The following GABRB1 variants were observed in gnomAD, a reference collection of about 807,000 sequenced individuals.
GABRB1 encodes gamma-aminobutyric acid type A receptor subunit beta1.
In GABRB1, 17 loss-of-function variants were observed where a neutral mutation model predicts 51.6. That is an observed-to-expected ratio of 0.33 (90% CI 0.23 to 0.49). The LOEUF (loss-of-function observed/expected upper bound fraction) is 0.49. Among genes scored for constraint, GABRB1 ranks in the 20% least tolerant of loss-of-function variants. The pLI, the probability that GABRB1 is intolerant of heterozygous loss-of-function variation, is 0.99. For missense variants in GABRB1, 410 were observed against 600.6 expected (o/e 0.68, Z 3.32); for synonymous variants, 247 against 218.9 (o/e 1.13, Z -1.14).
In GABRB1 at chr4:47,328,823, C is replaced by T. The variant is rs59670193; in HGVS notation, c.544+8614C>T. Among the ~76,000 whole-genome samples, 681 of 151,564 alleles carry T rather than the reference C, an allele frequency of 4.5e-3. 8 individuals are homozygous for T. Among genetic ancestry groups the T allele is most frequent in the African/African-American group, 0.016 (646 of 41,320 alleles). On this transcript the variant is annotated intron_variant, in intron 5 of 8. Coordinates refer to ENST00000295454, the MANE Select transcript of GABRB1 (RefSeq NM_000812.4). The stretch of plus-strand genomic sequence containing the variant: ...TGGAGATATACCTAATGTTAAATGA[C>T]GAGTTACCAGGTGCAGCACACCAAC...
intron 5 of GABRB1, among the ~76,000 whole-genome samples, chr4:47,369,174 A>G (rs1365065240): frequency 6.6e-6 from 1 of 152,178 alleles, no homozygotes; most frequent in Non-Finnish European, 1.5e-5. Context: ...CTCTTAAGAA[A>G]TATTAAATTT....
intron 4 of GABRB1, among the ~76,000 whole-genome samples, chr4:47,239,557 G>A (rs1340825947): frequency 6.6e-6 from 1 of 152,132 alleles, no homozygotes; most frequent in African/African-American, 2.4e-5. Flanking sequence ...TCATTTAACT[G>A]GCTTGGTCTA....
At chr4:47,274,688 G>C (rs935059618) in intron 4 of GABRB1, among the ~76,000 whole-genome samples, 1 of 152,102 alleles carries the variant, frequency 6.6e-6, no homozygotes, top group Non-Finnish European at 1.5e-5. Flanking sequence ...CAGGCATACA[G>C]GCAAGTGTCA....
At chr4:47,166,296 T>A (rs1288671666) in intron 4 of GABRB1, among the ~76,000 whole-genome samples, 1 of 151,972 alleles carries the variant, frequency 6.6e-6, no homozygotes, top group Non-Finnish European at 1.5e-5. Flanking sequence ...TGAATGTGCC[T>A]GCCTCTCCCG....
intron 3 of GABRB1, among the ~76,000 whole-genome samples, chr4:47,036,155 C>T (rs576986361): frequency 6.6e-6 from 1 of 152,010 alleles, no homozygotes; most frequent in Non-Finnish European, 1.5e-5. Context: ...CAGTGAACAA[C>T]GATGACAAAA....
intron 3 of GABRB1, among the ~76,000 whole-genome samples, chr4:47,038,816 C>A (rs1221025190): frequency 6.6e-6 from 1 of 152,068 alleles, no homozygotes; most frequent in Non-Finnish European, 1.5e-5. Context: ...TTCCAGTTGG[C>A]TTAGGTTTCA....
chr4:47,182,371 C>A (rs575392109), intron 4 of GABRB1, among the ~76,000 whole-genome samples: 78 of 151,916 alleles, frequency 5.1e-4, no homozygotes, highest in African/African-American at 1.9e-3. Flanking sequence ...AGATTTTCAA[C>A]CAAAGAGTAA....
intron 5 of GABRB1, among the ~76,000 whole-genome samples, chr4:47,357,614 C>A (rs1166586455): frequency 6.6e-6 from 1 of 152,186 alleles, no homozygotes; most frequent in Non-Finnish European, 1.5e-5. Flanking sequence ...AGAGAATGTG[C>A]TGGTACAAGA....
chr4:47,262,206 A>G (rs1230166064), intron 4 of GABRB1, among the ~76,000 whole-genome samples: 2 of 151,952 alleles, frequency 1.3e-5, no homozygotes, highest in Non-Finnish European at 2.9e-5. Flanking sequence ...ATCTCATTAA[A>G]CTAAAGAGCT....
At chr4:47,242,202 C>A (rs1201626673) in intron 4 of GABRB1, among the ~76,000 whole-genome samples, 2 of 152,166 alleles carry the variant, frequency 1.3e-5, no homozygotes, top group East Asian at 1.9e-4. Context: ...CATGTCCCTA[C>A]AAAGGACATG....
At chr4:47,068,007 G>C (rs1195198115) in intron 3 of GABRB1, among the ~76,000 whole-genome samples, 1 of 152,166 alleles carries the variant, frequency 6.6e-6, no homozygotes, top group Non-Finnish European at 1.5e-5. Context: ...GCATTAGTTT[G>C]CTGAGGATAA....
chr4:47,166,631 G>A (rs1718199267), intron 4 of GABRB1, among the ~76,000 whole-genome samples: 1 of 152,028 alleles, frequency 6.6e-6, no homozygotes, highest in Non-Finnish European at 1.5e-5. Context: ...TAGTTACATT[G>A]TGAGAGAGTC....
intron 4 of GABRB1, among the ~76,000 whole-genome samples, chr4:47,288,658 T>TG (rs2058216879): frequency 6.6e-6 from 1 of 152,224 alleles, no homozygotes. Context: ...AGGCACCTTG[T>TG]GGTAAGTCAT....
intron 5 of GABRB1, among the ~76,000 whole-genome samples, chr4:47,372,876 C>A (rs1727248384): frequency 1.3e-5 from 2 of 152,162 alleles, no homozygotes; most frequent in African/African-American, 4.8e-5. Context: ...GCTATCATCA[C>A]CAACTACTAC....
intron 3 of GABRB1, among the ~76,000 whole-genome samples, chr4:47,154,521 G>A (rs1717605365): frequency 6.6e-6 from 1 of 151,912 alleles, no homozygotes; most frequent in South Asian, 2.1e-4. Flanking sequence ...TCAGTTCAGG[G>A]AGGTGGGCTA....
At chr4:47,235,035 T>C (rs981980926) in intron 4 of GABRB1, among the ~76,000 whole-genome samples, 1 of 152,230 alleles carries the variant, frequency 6.6e-6, no homozygotes, top group Admixed American at 6.5e-5. Flanking sequence ...GAATACTCAA[T>C]ATTTCGGCCT....
chr4:47,147,824 G>C (rs1717241233), intron 3 of GABRB1, among the ~76,000 whole-genome samples: 1 of 152,038 alleles, frequency 6.6e-6, no homozygotes, highest in African/African-American at 2.4e-5. Context: ...AAGGTGGCTG[G>C]ATAATAGAGT....
chr4:47,058,347 C>T (rs1726707050), intron 3 of GABRB1, among the ~76,000 whole-genome samples: 1 of 152,096 alleles, frequency 6.6e-6, no homozygotes, highest in Admixed American at 6.5e-5. Flanking sequence ...GAAATCATGC[C>T]TGATTAAACA....
chr4:47,274,288 G>T (rs12502993), intron 4 of GABRB1, among the ~76,000 whole-genome samples: 97,172 of 151,916 alleles, frequency 0.64, 31,435 homozygotes, highest in South Asian at 0.81. Flanking sequence ...GTTTGACATA[G>T]TGCCTGGCAC....
Sources: allele counts gnomAD v4.1 joint callset (sites outside exome capture counted in the v4.1 genomes callset), GRCh38; gene constraint gnomAD v4.1.1; transcripts MANE v1.5; gene names NCBI Gene and HGNC (gene_info 2026-07-23, HGNC 2026-07-21).